KIAA0319: variants seen among roughly 807,000 people sequenced by gnomAD.
KIAA0319 encodes the protein KIAA0319.
A neutral mutation model predicts 108.4 loss-of-function variants in KIAA0319; 83 were observed. That is an observed-to-expected ratio of 0.77 (90% CI 0.64 to 0.92). The LOEUF is 0.92. Among genes scored for constraint, KIAA0319 ranks in the 40% least tolerant of loss-of-function variants. The probability of loss-of-function intolerance (pLI) is 0.00; values close to 1 mark genes in which losing one functional copy is unlikely to be tolerated. For missense variants in KIAA0319, 1,195 were observed against 1,322.4 expected, an observed-to-expected ratio of 0.90 and a Z score of 1.49; for synonymous variants, 484 against 510.4, an observed-to-expected ratio of 0.95 and a Z score of 0.70.
chr6:24,600,074 T>G (rs1025587484), intron 2 of KIAA0319, among the ~76,000 whole-genome samples: 3 of 151,660 alleles, frequency 2.0e-5, no homozygotes, highest in Non-Finnish European at 4.4e-5. Flanking sequence ...AAATAACATT[T>G]ATTGGGATGC....
chr6:24,616,526 G>T (rs1773178797), intron 1 of KIAA0319, among the ~76,000 whole-genome samples: 1 of 152,080 alleles, frequency 6.6e-6, no homozygotes, highest in Non-Finnish European at 1.5e-5. Flanking sequence ...GCTAATTTTT[G>T]TATTTTTAGT....
chr6:24,577,031 C>A lies in KIAA0319; in HGVS notation c.1506-435G>T, dbSNP rs749224213. Among the ~76,000 whole-genome samples the A allele has an allele frequency of 3.5e-4, 54 of 152,200 alleles. 1 individual carries two copies. The highest frequency in any genetic ancestry group is 3.4e-4 in the Non-Finnish European group (23 of 67,992). ...TCTGCTCATGGAACAGTTCTCGGAA[C>A]AGGTAAAAATAGAAATTTAAGGATG... On this transcript the variant is annotated intron_variant, in intron 9 of 20. Transcript: ENST00000378214.
chr6:24,578,031 G>T (rs1286079695), intron 9 of KIAA0319, 79 bp downstream of exon 9: 4 of 1,395,844 alleles, frequency 2.9e-6, no homozygotes, highest in Non-Finnish European at 3.9e-6. Context: ...AAGAAGTGCA[G>T]TGTTTTATGT....
At chr6:24,604,239 T>C (rs1310473672) in intron 1 of KIAA0319, among the ~76,000 whole-genome samples, 1 of 152,172 alleles carries the variant, frequency 6.6e-6, no homozygotes, top group Non-Finnish European at 1.5e-5. Flanking sequence ...GAAAGTATGT[T>C]AGAGATGGGA....
At chr6:24,595,491 G>C (rs1769342476) in intron 3 of KIAA0319, among the ~76,000 whole-genome samples, 1 of 143,800 alleles carries the variant, frequency 7.0e-6, no homozygotes, top group Non-Finnish European at 1.5e-5. Context: ...AGCTTGCAGT[G>C]AGCTGAGATC....
At position 24,578,168 on chromosome 6, in the gene KIAA0319, A is replaced by C. The variant is rs781350584; in HGVS notation, c.1447T>G (p.Ser483Ala). ...AAGCGTAAGACGGGAGAGTCAACTG[A>C]AGTCTTCTCTTCTATGAAGGGCCCG... The part of the protein sequence containing the change: ...INGPFIEEKT[S>A]VDSPVLRLSN... Residue 483 changes from serine to alanine, a missense_variant, in exon 9 of 21, where the codon TCA (serine) becomes GCA (alanine). Physicochemically the swap from Ser to Ala is moderately conservative, Grantham distance 99. Coordinates refer to ENST00000378214, the MANE Select transcript of KIAA0319 (RefSeq NM_014809.4). 2.5e-6 allele frequency: 4 copies of C among 1,613,166 alleles called. No homozygotes were observed. In the South Asian group the frequency reaches 3.3e-5, roughly 13 times the overall value.
intron 10 of KIAA0319, among the ~76,000 whole-genome samples, chr6:24,575,196 C>T (rs1765285751): frequency 6.6e-6 from 1 of 152,148 alleles, no homozygotes; most frequent in Non-Finnish European, 1.5e-5. Context: ...TGTGGATATT[C>T]TTCGGGGAAA....
chr6:24,626,141 G>A (rs191328789), intron 1 of KIAA0319, among the ~76,000 whole-genome samples: 22 of 152,276 alleles, frequency 1.4e-4, no homozygotes, highest in African/African-American at 4.1e-4. Context: ...TCCAGAATAC[G>A]CAAATCCATA....
Position 24,620,224 on chromosome 6 carries a change from A to G in KIAA0319, c.-105-19016T>C, listed in dbSNP as rs544006891. On this transcript the variant is annotated intron_variant, in intron 1 of 20. Coordinates refer to ENST00000378214, the MANE Select transcript of KIAA0319 (RefSeq NM_014809.4). Reference sequence around the variant, plus strand: ...TGTGGCACTCCAGAACTTGGTTTTAATCTTAGCTAAGAAGATCCCAAACAT... The same window carrying G: ...TGTGGCACTCCAGAACTTGGTTTTAGTCTTAGCTAAGAAGATCCCAAACAT... 2.0e-5 allele frequency among the ~76,000 whole-genome samples: 3 copies of G among 152,326 alleles called. No individual in the cohort carries two copies. The East Asian group carries it at 5.8e-4, about 29-fold the overall frequency.
intron 3 of KIAA0319, among the ~76,000 whole-genome samples, chr6:24,592,068 T>C (rs947019518): frequency 6.6e-6 from 1 of 152,218 alleles, no homozygotes; most frequent in Non-Finnish European, 1.5e-5. Context: ...ATTTTTCTAT[T>C]TTATTGCTAT....
chr6:24,562,697 G>A (rs1034204362), intron 16 of KIAA0319, among the ~76,000 whole-genome samples: 17 of 152,086 alleles, frequency 1.1e-4, no homozygotes, highest in African/African-American at 3.6e-4. Context: ...GAAATTAGCC[G>A]GGTATAGTGG....
chr6:24,629,514 CAAAAA>C (rs397974257), intron 1 of KIAA0319, among the ~76,000 whole-genome samples: 2 of 42,408 alleles, frequency 4.7e-5, no homozygotes, highest in Non-Finnish European at 8.0e-5. Flanking sequence ...GACTCTGTCT[CAAAAA>C]AAAAAAAAAA....
intron 1 of KIAA0319, among the ~76,000 whole-genome samples, chr6:24,619,515 T>C (rs1773626346): frequency 6.6e-6 from 1 of 152,154 alleles, no homozygotes; most frequent in Non-Finnish European, 1.5e-5. Context: ...AGCTGCTGAA[T>C]AGGCCACAGG....
At chr6:24,614,275 G>A (rs758508475) in intron 1 of KIAA0319, among the ~76,000 whole-genome samples, 109 of 152,090 alleles carry the variant, frequency 7.2e-4, no homozygotes, top group Non-Finnish European at 1.4e-3. Flanking sequence ...CCTTCTCTTC[G>A]CCTCCCGGTC....
rs143749560 is a variant in KIAA0319, at chr6:24,600,319, G to C, written c.55+730C>G. On this transcript the variant is annotated intron_variant, in intron 2 of 20. Transcript: ENST00000378214. ...TTTAATAAGATGGATGGATGGAGGGGAGTAAGTGATCTACAAGTCATGATG... is the reference window on the plus strand; with the variant it reads ...TTTAATAAGATGGATGGATGGAGGGCAGTAAGTGATCTACAAGTCATGATG... Among the ~76,000 whole-genome samples the C allele has an allele frequency of 9.5e-4, 144 of 152,260 alleles. No homozygotes were observed. In the East Asian group the frequency reaches 0.028, roughly 29 times the overall value.
At chr6:24,563,158 A>G (rs945718809) in intron 16 of KIAA0319, among the ~76,000 whole-genome samples, 1 of 152,234 alleles carries the variant, frequency 6.6e-6, no homozygotes, top group Non-Finnish European at 1.5e-5. Context: ...ATCAGCAAAC[A>G]TTTACTGAGA....
intron 4 of KIAA0319, among the ~76,000 whole-genome samples, chr6:24,587,073 T>A (rs1327059655): frequency 2.0e-5 from 3 of 152,166 alleles, no homozygotes; most frequent in Non-Finnish European, 4.4e-5. Context: ...ACTGCTCATC[T>A]AATTTTAGTT....
At chr6:24,556,763 G>T in intron 17 of KIAA0319, 34 bp from the exon 18 acceptor site, 1 of 1,586,422 alleles carries the variant, frequency 6.3e-7, no homozygotes, top group Non-Finnish European at 8.6e-7. Context: ...AGGGCAGCAT[G>T]CAGAAAAGGG....
At chr6:24,555,654 G>A (rs1328911089) in intron 18 of KIAA0319, among the ~76,000 whole-genome samples, 4 of 151,614 alleles carry the variant, frequency 2.6e-5, no homozygotes, top group Non-Finnish European at 5.9e-5. Context: ...TGCCAATTAT[G>A]TCCATCTGGT....
Sources: gnomAD v4.1 joint callset for allele counts (sites outside exome capture counted in the v4.1 genomes callset) on GRCh38, gnomAD v4.1.1 for gene constraint, MANE v1.5 for transcripts, NCBI Gene and HGNC (gene_info 2026-07-23, HGNC 2026-07-21) for gene names.